SLAIN1: variants seen among roughly 807,000 people sequenced by gnomAD.
SLAIN1 encodes the protein SLAIN family member 1, also known as SLAIN motif-containing protein 1.
A neutral mutation model predicts 55.4 loss-of-function variants in SLAIN1; 17 were observed. The observed-to-expected ratio is 0.31, with a 90% CI of 0.21 to 0.46. The LOEUF (loss-of-function observed/expected upper bound fraction) is 0.46, where lower values mean the gene tolerates loss of function less well. SLAIN1 is among the 20% of genes least tolerant of loss of function. The pLI is 1.00. For missense variants in SLAIN1, 682 were observed against 785.1 expected, an observed-to-expected ratio of 0.87 and a Z score of 1.57; for synonymous variants, 348 against 337.4, an observed-to-expected ratio of 1.03 and a Z score of -0.35.
chr13:77,742,373 G>C (rs1327547658), intron 2 of SLAIN1, among the ~76,000 whole-genome samples: 1 of 151,752 alleles, frequency 6.6e-6, no homozygotes, highest in Non-Finnish European at 1.5e-5. Context: ...ATCACCAATA[G>C]TCTCTGTACC....
Position 77,746,490 on chromosome 13 carries a change from A to C in SLAIN1, c.917-24A>C, listed in dbSNP as rs767022855. The C allele has an allele frequency of 5.1e-6, 8 of 1,554,574 alleles. No homozygotes were observed. The South Asian group carries it at 9.6e-5, about 19-fold the overall frequency. ...AATGTTAGCTAGATCAAAATACATT[A>C]GAGTACTATTTGTTATTTTATAGGT... On this transcript the variant is annotated intron_variant, in intron 3 of 6. Transcript: ENST00000418532.
At chr13:77,759,026 G>A (rs1874814763) in intron 5 of SLAIN1, among the ~76,000 whole-genome samples, 2 of 152,134 alleles carry the variant, frequency 1.3e-5, no homozygotes, top group African/African-American at 4.8e-5. Flanking sequence ...GCTTTGGGCA[G>A]TATGGTCATT....
chr13:77,752,158 A>G (rs1874261723), intron 4 of SLAIN1, among the ~76,000 whole-genome samples: 2 of 152,074 alleles, frequency 1.3e-5, no homozygotes, highest in Admixed American at 1.3e-4. Flanking sequence ...CTTTCCAGAG[A>G]TTAATGTGGT....
intron 1 of SLAIN1, among the ~76,000 whole-genome samples, chr13:77,713,995 T>G (rs1179001049): frequency 5.1e-5 from 7 of 136,630 alleles, no homozygotes; most frequent in Non-Finnish European, 7.8e-5. Flanking sequence ...ACACAGGGAG[T>G]GGAACATCAC....
chr13:77,760,183 T>C (rs74098804), intron 5 of SLAIN1, among the ~76,000 whole-genome samples: 3,524 of 152,278 alleles, frequency 0.023, 120 homozygotes, highest in African/African-American at 0.08. Context: ...ATTTAAAAAC[T>C]TCTGCCTACC....
In SLAIN1 at chr13:77,760,928, C is replaced by T. The variant is rs573545106; in HGVS notation, c.1515C>T (p.Thr505=). The part of the protein sequence containing the change: ...PLKATAYVSP[T]VQGSSNMPLS... ...AAGCCACAGCCTATGTGAGTCCAAC[C>T]GTTCAAGGCAGCAGTAACATGCCTT... Residue 505 remains threonine, a synonymous_variant, in exon 6 of 7, where the codon ACC becomes ACT. Transcript: ENST00000418532. 16 of 1,614,140 alleles carry T rather than the reference C, an allele frequency of 9.9e-6. No homozygotes were observed. The highest frequency in any genetic ancestry group is 6.7e-5 in the African/African-American group (5 of 75,026).
Position 77,753,184 on chromosome 13 carries a change from T to C in SLAIN1, c.1259-19T>C. 6.4e-7 allele frequency: 1 copy of C among 1,568,160 alleles called. No individual in the cohort carries two copies. The highest frequency in any genetic ancestry group is 8.6e-7 in the Non-Finnish European group (1 of 1,160,970). ...TGCATAACATCTGTCATTTTTAACTTAGTAAAATTCTTTTCCAGATAAGCT... is the reference window on the plus strand; with the variant it reads ...TGCATAACATCTGTCATTTTTAACTCAGTAAAATTCTTTTCCAGATAAGCT... On this transcript the variant is annotated intron_variant, in intron 4 of 6. Transcript: ENST00000418532.
chr13:77,723,244 T>C (rs1331305444), intron 2 of SLAIN1, among the ~76,000 whole-genome samples: 1 of 152,140 alleles, frequency 6.6e-6, no homozygotes, highest in Non-Finnish European at 1.5e-5. Context: ...CCCTATTCTC[T>C]TACTCTACTT....
At chr13:77,721,254 G>C (rs1462343156) in intron 2 of SLAIN1, among the ~76,000 whole-genome samples, 1 of 152,122 alleles carries the variant, frequency 6.6e-6, no homozygotes, top group African/African-American at 2.4e-5. Flanking sequence ...ACCATGTAAG[G>C]ATGTGCCTTG....
intron 6 of SLAIN1, 66 bp downstream of exon 6, chr13:77,761,176 T>A: frequency 6.6e-7 from 1 of 1,509,066 alleles, no homozygotes. Context: ...AGACACACGC[T>A]GACTTTTCCT....
chr13:77,727,899 G>T (rs1280260515), intron 2 of SLAIN1, among the ~76,000 whole-genome samples: 1 of 152,156 alleles, frequency 6.6e-6, no homozygotes, highest in Non-Finnish European at 1.5e-5. Flanking sequence ...TTTTCATTTA[G>T]AAATTGAACA....
intron 4 of SLAIN1, among the ~76,000 whole-genome samples, 196 bp downstream of exon 4, chr13:77,747,051 C>T (rs963033474): frequency 6.6e-6 from 1 of 152,102 alleles, no homozygotes; most frequent in Non-Finnish European, 1.5e-5. Context: ...CTCAGCCTTC[C>T]AAGTAGCCGG....
intron 1 of SLAIN1, among the ~76,000 whole-genome samples, chr13:77,713,038 A>T (rs2091168852): frequency 6.6e-6 from 1 of 152,222 alleles, no homozygotes; most frequent in African/African-American, 2.4e-5. Flanking sequence ...CCCCTTCCTT[A>T]CACCTTATGC....
intron 6 of SLAIN1, among the ~76,000 whole-genome samples, chr13:77,761,614 G>C (rs1296285913): frequency 6.6e-6 from 1 of 152,172 alleles, no homozygotes; most frequent in South Asian, 2.1e-4. Context: ...TGTGTCAGGC[G>C]TATGTGCACA....
At chr13:77,706,954 C>G (rs1322794391) in intron 1 of SLAIN1, among the ~76,000 whole-genome samples, 1 of 151,954 alleles carries the variant, frequency 6.6e-6, no homozygotes, top group Admixed American at 6.6e-5. Context: ...TCCTTTATTC[C>G]TAGTATTCTA....
chr13:77,709,877 TCCTCTG>T (rs2091129621), intron 1 of SLAIN1, among the ~76,000 whole-genome samples: 1 of 152,090 alleles, frequency 6.6e-6, no homozygotes, highest in African/African-American at 2.4e-5. Context: ...TTCAAGTGAT[TCCTCTG>T]CCTCTGCCTC....
At chr13:77,713,144 G>A (rs1024754267) in intron 1 of SLAIN1, among the ~76,000 whole-genome samples, 5 of 152,132 alleles carry the variant, frequency 3.3e-5, no homozygotes, top group African/African-American at 1.2e-4. Context: ...CAGGACATGG[G>A]CATGGGCAAA....
intron 2 of SLAIN1, among the ~76,000 whole-genome samples, chr13:77,729,503 CTT>C (rs11319194): frequency 1.2e-4 from 17 of 144,282 alleles, no homozygotes; most frequent in Non-Finnish European, 1.7e-4. Flanking sequence ...TAGTGAAATT[CTT>C]TTTTTTTTTT....
In SLAIN1 at chr13:77,724,258, G is replaced by T. The variant is rs543012157; in HGVS notation, c.766+4587G>T. Among the ~76,000 whole-genome samples, 99 of 152,232 alleles carry T rather than the reference G, an allele frequency of 6.5e-4. 1 individual carries two copies. Among genetic ancestry groups the T allele is most frequent in the African/African-American group, 2.4e-3 (98 of 41,550 alleles). ...TGGAGGGTTTAGGTGCTTTCCTATA[G>T]ATTTTCAGTCACCTGGTTTTTTTCA... On this transcript the variant is annotated intron_variant, in intron 2 of 6. Transcript: ENST00000418532.
Sources: allele counts gnomAD v4.1 joint callset (sites outside exome capture counted in the v4.1 genomes callset), GRCh38; gene constraint gnomAD v4.1.1; transcripts MANE v1.5; gene names NCBI Gene and HGNC (gene_info 2026-07-23, HGNC 2026-07-21).